Variants in C8orf34 observed in about 807,000 individuals in gnomAD.
The protein encoded by C8orf34 is uncharacterized protein C8orf34.
Under a neutral mutation model 68.3 loss-of-function variants are expected in C8orf34, and 65 were observed. The ratio of observed to expected loss-of-function variants is 0.95; its 90% CI spans 0.78 to 1.17. The LOEUF is 1.17. Ranked by LOEUF, C8orf34 falls within the 50% of genes most tolerant of loss-of-function variation. The probability of loss-of-function intolerance (pLI) is 0.00; values close to 1 mark genes in which losing one functional copy is unlikely to be tolerated. For missense variants in C8orf34, 664 were observed against 655.4 expected (o/e 1.01, Z -0.14); for synonymous variants, 244 against 241.2 (o/e 1.01, Z -0.11).
intron 4 of C8orf34, among the ~76,000 whole-genome samples, chr8:68,479,822 C>T (rs767149719): frequency 2.6e-5 from 4 of 152,130 alleles, no homozygotes; most frequent in East Asian, 3.8e-4. Context: ...GAAATGAATG[C>T]GCTGGTTAAT....
At chr8:68,625,414 C>T in intron 7 of C8orf34, 2 of 509,440 alleles carry the variant, frequency 3.9e-6, no homozygotes, top group Non-Finnish European at 7.0e-6. Context: ...TGACAGAATG[C>T]TGCATGAGAT....
intron 7 of C8orf34, chr8:68,534,666 G>C (rs16934696): frequency 0.15 from 144,990 of 985,188 alleles, 11,557 homozygotes; most frequent in African/African-American, 0.31. Context: ...GTTTGCTCAC[G>C]TAGGTATGGG....
intron 3 of C8orf34, among the ~76,000 whole-genome samples, chr8:68,453,606 T>G (rs1811432301): frequency 1.3e-5 from 2 of 152,008 alleles, no homozygotes; most frequent in African/African-American, 4.8e-5. Context: ...AAACTGATTT[T>G]TGTATTTTGA....
chr8:68,807,711 G>A (rs967734364), intron 12 of C8orf34, among the ~76,000 whole-genome samples: 2 of 152,124 alleles, frequency 1.3e-5, no homozygotes, highest in Admixed American at 1.3e-4. Context: ...TATATGATAT[G>A]TTGCAAAGAT....
At chr8:68,776,503 A>T in intron 11 of C8orf34, 54 bp downstream of exon 11, 1 of 1,408,096 alleles carries the variant, frequency 7.1e-7, no homozygotes, top group Non-Finnish European at 1.0e-6. Context: ...ATGATACAGG[A>T]TGAAGCACTC....
chr8:68,713,673 C>G (rs960842917), intron 9 of C8orf34, among the ~76,000 whole-genome samples: 40 of 151,916 alleles, frequency 2.6e-4, no homozygotes, highest in African/African-American at 8.9e-4. Context: ...AAAAAATTGC[C>G]AATAAAAATA....
intron 8 of C8orf34, chr8:68,695,548 C>T (rs1820806241): frequency 6.6e-6 from 1 of 152,160 alleles, no homozygotes; most frequent in South Asian, 2.1e-4. Context: ...TGACATTCTA[C>T]TCTGGGCTAC....
chr8:68,532,325 G>A (rs1294495480), intron 6 of C8orf34, among the ~76,000 whole-genome samples: 1 of 152,084 alleles, frequency 6.6e-6, no homozygotes, highest in African/African-American at 2.4e-5. Context: ...GTCCAAAATG[G>A]AAGTAAGGTA....
intron 3 of C8orf34, among the ~76,000 whole-genome samples, chr8:68,468,335 A>T (rs1341666975): frequency 6.6e-6 from 1 of 152,066 alleles, no homozygotes; most frequent in East Asian, 1.9e-4. Flanking sequence ...TTTACTTAAT[A>T]ATTACCAGTT....
At chr8:68,552,338 C>A (rs951175943) in intron 7 of C8orf34, among the ~76,000 whole-genome samples, 1 of 152,102 alleles carries the variant, frequency 6.6e-6, no homozygotes, top group African/African-American at 2.4e-5. Context: ...CATGCAATAT[C>A]TTTCCAATTA....
intron 8 of C8orf34, among the ~76,000 whole-genome samples, chr8:68,701,749 C>T (rs1366608859): frequency 2.0e-5 from 3 of 152,078 alleles, no homozygotes; most frequent in Admixed American, 6.6e-5. Flanking sequence ...TTCCCATTGT[C>T]ATCAGAAGAC....
intron 3 of C8orf34, among the ~76,000 whole-genome samples, chr8:68,457,479 C>T (rs1235603482): frequency 6.6e-6 from 1 of 151,976 alleles, no homozygotes. Flanking sequence ...TTTTAGAAAA[C>T]AGGGTTGAAA....
At chr8:68,425,414 A>G (rs1810166464) in intron 1 of C8orf34, among the ~76,000 whole-genome samples, 1 of 152,194 alleles carries the variant, frequency 6.6e-6, no homozygotes, top group Non-Finnish European at 1.5e-5. Flanking sequence ...AGTGAGTTCA[A>G]TATAGATACA....
intron 1 of C8orf34, chr8:68,438,849 A>G (rs918748398): frequency 6.6e-6 from 1 of 152,136 alleles, no homozygotes; most frequent in Non-Finnish European, 1.5e-5. Context: ...GAGCTGTCCA[A>G]AATGGAACAG....
chr8:68,500,479 G>A (rs1330980331), intron 5 of C8orf34, among the ~76,000 whole-genome samples: 10 of 152,122 alleles, frequency 6.6e-5, no homozygotes, highest in African/African-American at 2.4e-4. Context: ...AAACAAGGTT[G>A]GTGCATTAGT....
At chr8:68,551,568 G>C (rs1816072348) in intron 7 of C8orf34, among the ~76,000 whole-genome samples, 1 of 151,930 alleles carries the variant, frequency 6.6e-6, no homozygotes, top group African/African-American at 2.4e-5. Flanking sequence ...TTGTTTGTTT[G>C]GGGCTTTTTT....
At chr8:68,713,021 C>G (rs1181322051) in intron 9 of C8orf34, among the ~76,000 whole-genome samples, 1 of 152,072 alleles carries the variant, frequency 6.6e-6, no homozygotes, top group Non-Finnish European at 1.5e-5. Context: ...CAAAAGGAAG[C>G]CACAAAACCA....
chr8:68,446,568 G>A (rs1255703806), intron 3 of C8orf34, 108 bp downstream of exon 3: 6 of 1,195,650 alleles, frequency 5.0e-6, no homozygotes, highest in Non-Finnish European at 3.5e-6. Flanking sequence ...TGATATTTCT[G>A]GCCTTTAATC....
At chr8:68,724,993 G>A (rs1821786622) in intron 10 of C8orf34, among the ~76,000 whole-genome samples, 1 of 151,784 alleles carries the variant, frequency 6.6e-6, no homozygotes, top group Admixed American at 6.6e-5. Flanking sequence ...TCAGCCTCCT[G>A]GGTAGCTGGG....
Sources: gnomAD v4.1 joint callset for allele counts (sites outside exome capture counted in the v4.1 genomes callset) on GRCh38, gnomAD v4.1.1 for gene constraint, MANE v1.5 for transcripts, NCBI Gene and HGNC (gene_info 2026-07-23, HGNC 2026-07-21) for gene names.